TIAM2: variants seen among roughly 807,000 people sequenced by gnomAD.
The protein encoded by TIAM2 is TIAM Rac1 associated GEF 2, also known as rho guanine nucleotide exchange factor TIAM2.
In TIAM2, 80 loss-of-function variants were observed where a neutral mutation model predicts 152.9. The observed-to-expected ratio is 0.52, with a 90% CI of 0.44 to 0.63. The LOEUF (loss-of-function observed/expected upper bound fraction) is 0.63. Ranked by LOEUF, TIAM2 falls within the 30% of genes least tolerant of loss-of-function variation. The pLI is 0.00. For synonymous variants in TIAM2, 804 were observed against 838.0 expected, an observed-to-expected ratio of 0.96 and a Z score of 0.70; for missense variants, 1,965 against 2,120.1, an observed-to-expected ratio of 0.93 and a Z score of 1.44.
rs1342237351 is a variant in TIAM2, at chr6:155,127,596, G to A, written c.-11G>A. On this transcript the variant is annotated 5_prime_UTR_variant, in exon 3 of 27. Transcript: ENST00000682666. The stretch of plus-strand genomic sequence containing the variant: ...ACCTCCCTCACAGCAGAAACTAGAC[G>A]TCAGGTAAACCCAACCCTTGTGCCT... The A allele has an allele frequency of 6.6e-6, 3 of 455,984 alleles. No individual in the cohort carries two copies. The highest frequency in any genetic ancestry group is 2.3e-5 in the Admixed American group (1 of 42,564). 28.2% of individuals were successfully genotyped at this position (455,984 alleles called of 1,614,324 possible). A position where few individuals can be genotyped will look rare whatever the true frequency, so the allele number is the denominator to read the frequency against.
chr6:155,144,418 C>T (rs1779778730), intron 5 of TIAM2, among the ~76,000 whole-genome samples, 188 bp from the exon 6 acceptor site: 1 of 152,220 alleles, frequency 6.6e-6, no homozygotes, highest in South Asian at 2.1e-4. Context: ...AAAGACATCT[C>T]ATTTTCATTC....
intron 22 of TIAM2, 89 bp from the exon 23 acceptor site, chr6:155,251,856 G>A (rs937772289): frequency 1.8e-4 from 184 of 1,007,394 alleles, no homozygotes; most frequent in Non-Finnish European, 2.7e-4. Flanking sequence ...CGTTTGGAGA[G>A]TGTTACTCTG....
intron 1 of TIAM2, among the ~76,000 whole-genome samples, chr6:155,073,234 C>T (rs2114956682): frequency 6.8e-6 from 1 of 146,944 alleles, no homozygotes; most frequent in African/African-American, 2.5e-5. Context: ...ACAATCTCGG[C>T]TCACTGCAAC....
In TIAM2 at chr6:155,240,594, G is replaced by A. The variant is rs1314251291; in HGVS notation, c.3233G>A (p.Gly1078Glu). ...FNDSQANGME[G>E]PRENQDPPPR... ...GACAGTCAGGCCAACGGCATGGAAG[G>A]ACCGCGGGAGAATCAGGATCCTCCT... The change falls in exon 16 of 27, where the codon GGA (glycine) becomes GAA (glutamate). Residue 1078 changes from glycine to glutamate, a missense_variant. Coordinates refer to ENST00000682666, the MANE Select transcript of TIAM2 (RefSeq NM_012454.4). 3 of 1,614,046 alleles carry A rather than the reference G, an allele frequency of 1.9e-6. No homozygotes were observed. The South Asian group carries it at 3.3e-5, about 18-fold the overall frequency.
chr6:155,039,350 A>G (rs1287294076), intron 1 of TIAM2, among the ~76,000 whole-genome samples: 19 of 152,178 alleles, frequency 1.2e-4, no homozygotes, highest in Non-Finnish European at 7.4e-5. Context: ...TTTAGCAGTA[A>G]TCAAGCCCAC....
chr6:155,113,020 ATCCTTTTAAAATG>A (rs900839494), intron 2 of TIAM2, among the ~76,000 whole-genome samples: 5 of 152,170 alleles, frequency 3.3e-5, no homozygotes, highest in East Asian at 1.9e-4. Context: ...AGCTACACAG[ATCCTTTTAAAATG>A]TCCCATGATG....
intron 1 of TIAM2, among the ~76,000 whole-genome samples, chr6:155,000,763 C>G (rs1778299440): frequency 6.6e-6 from 1 of 152,154 alleles, no homozygotes; most frequent in African/African-American, 2.4e-5. Context: ...CGCTGGGGAT[C>G]ACTTGAGGTT....
At chr6:155,003,236 A>G in intron 1 of TIAM2, among the ~76,000 whole-genome samples, 1 of 152,180 alleles carries the variant, frequency 6.6e-6, no homozygotes, top group Admixed American at 6.6e-5. Context: ...GAAGCGTGGA[A>G]TTGTGGCAAG....
rs144665210 is a variant in TIAM2 at position 155,073,957 on chromosome 6, A to G, written c.-208-16332A>G. ...GTAGGTGGAAAATGCAATGTTCTGG[A>G]TGGGGAGAGAGACGTAAGGGTGCCT... On this transcript the variant is annotated intron_variant, in intron 1 of 26. Coordinates refer to ENST00000682666, the MANE Select transcript of TIAM2 (RefSeq NM_012454.4). Among the ~76,000 whole-genome samples the G allele has an allele frequency of 4.1e-3, 629 of 152,278 alleles. 2 individuals are homozygous for G. Among genetic ancestry groups the G allele is most frequent in the Non-Finnish European group, 7.6e-3 (516 of 68,016 alleles).
chr6:155,060,342 C>T (rs184791434), intron 1 of TIAM2, among the ~76,000 whole-genome samples: 19 of 152,168 alleles, frequency 1.2e-4, no homozygotes, highest in African/African-American at 3.1e-4. Flanking sequence ...GCAGAGTTTG[C>T]GGTGAGCCGA....
chr6:155,118,776 C>A (rs1331612853), intron 2 of TIAM2, among the ~76,000 whole-genome samples: 3 of 151,988 alleles, frequency 2.0e-5, no homozygotes, highest in African/African-American at 7.3e-5. Flanking sequence ...TACTCATCCT[C>A]CAAGACCCAC....
At chr6:155,021,126 T>A (rs1353287921) in intron 1 of TIAM2, among the ~76,000 whole-genome samples, 1 of 152,212 alleles carries the variant, frequency 6.6e-6, no homozygotes, top group Non-Finnish European at 1.5e-5. Flanking sequence ...TGTCTGCCCA[T>A]TGGTCCACAG....
At chr6:155,059,282 C>CTCTGTGTGTG (rs754941565) in intron 1 of TIAM2, among the ~76,000 whole-genome samples, 5 of 144,206 alleles carry the variant, frequency 3.5e-5, no homozygotes, top group African/African-American at 1.1e-4. Flanking sequence ...ATGTCCCTTT[C>CTCTGTGTGTG]TGTGTGTGTG....
chr6:155,115,505 T>C (rs1778986846), intron 2 of TIAM2, among the ~76,000 whole-genome samples: 3 of 151,888 alleles, frequency 2.0e-5, no homozygotes, highest in Admixed American at 1.3e-4. Flanking sequence ...AATAAAAAAA[T>C]TAGCAGGCAT....
intron 7 of TIAM2, among the ~76,000 whole-genome samples, chr6:155,162,955 A>C (rs1780311578): frequency 6.6e-6 from 1 of 152,190 alleles, no homozygotes; most frequent in Non-Finnish European, 1.5e-5. Context: ...CATGCAGAAA[A>C]GTTGTGCAGC....
At position 155,172,682 on chromosome 6, in the gene TIAM2, ATATATTTTTTT is replaced by A. The variant is rs1420893917; in HGVS notation, c.2362-4132_2362-4122del. On this transcript the variant is annotated intron_variant, in intron 9 of 26. Transcript: ENST00000682666. ...TATATATATATATATATATATATAT[ATATATTTTTTT>A]TTTTTTTTTTTTTTTTTTTCTTTGA... is the stretch of plus-strand genomic sequence containing the variant. Among the ~76,000 whole-genome samples, 67 of 13,076 alleles carry A rather than the reference ATATATTTTTTT, an allele frequency of 5.1e-3. 1 individual carries two copies. The Admixed American group carries it at 0.058, about 11-fold the overall frequency. 8.6% of individuals were successfully genotyped at this position (13,076 alleles called of 152,430 possible).
intron 2 of TIAM2, among the ~76,000 whole-genome samples, chr6:155,107,150 A>G (rs987578758): frequency 4.6e-5 from 7 of 152,098 alleles, no homozygotes; most frequent in Admixed American, 1.3e-4. Flanking sequence ...GCTACATCCA[A>G]AGTTCTGGCA....
rs71558246 is a variant in TIAM2 at position 155,256,019 on chromosome 6, AG to A, written c.4469-456del. The A allele has an allele frequency of 3.6e-3, 526 of 146,470 alleles. 7 individuals carry two copies. Among genetic ancestry groups the A allele is most frequent in the African/African-American group, 9.3e-3 (251 of 26,968 alleles). 9.1% of individuals were successfully genotyped at this position (146,470 alleles called of 1,614,324 possible). ...AGCAAGACACTGTCTTTAAAAAAAA[AG>A]GGGGGGGGAGGGGCATTTTCTACTT... is the stretch of plus-strand genomic sequence containing the variant. On this transcript the variant is annotated intron_variant, in intron 26 of 26. Coordinates refer to ENST00000682666, the MANE Select transcript of TIAM2 (RefSeq NM_012454.4).
chr6:155,192,778 T>A (rs1781239932), intron 14 of TIAM2, among the ~76,000 whole-genome samples: 1 of 152,186 alleles, frequency 6.6e-6, no homozygotes, highest in Non-Finnish European at 1.5e-5. Flanking sequence ...TTGGTGGAAG[T>A]TATTTAAAGA....
Sources: gnomAD v4.1 joint callset for allele counts (sites outside exome capture counted in the v4.1 genomes callset) on GRCh38, gnomAD v4.1.1 for gene constraint, MANE v1.5 for transcripts, NCBI Gene and HGNC (gene_info 2026-07-23, HGNC 2026-07-21) for gene names.